BMERB1: variants seen among roughly 807,000 people sequenced by gnomAD.
The protein encoded by BMERB1 is bMERB domain containing 1.
BMERB1 carries 12 observed loss-of-function variants against 23.6 expected under a neutral mutation model. The observed-to-expected ratio is 0.51, with a 90% confidence interval of 0.33 to 0.82. The LOEUF (loss-of-function observed/expected upper bound fraction) is 0.82. Ranked by LOEUF, BMERB1 falls within the 40% of genes least tolerant of loss-of-function variation. BMERB1 has a pLI of 0.03. For missense variants in BMERB1, 247 were observed against 255.4 expected (o/e 0.97, Z 0.22); for synonymous variants, 122 against 96.6 (o/e 1.26, Z -1.54).
intron 2 of BMERB1, among the ~76,000 whole-genome samples, chr16:15,543,682 A>G (rs950197058): frequency 4.6e-5 from 7 of 151,456 alleles, no homozygotes; most frequent in Admixed American, 3.3e-4. Flanking sequence ...TGAGCTGGGC[A>G]TGGTAGTGTG....
At chr16:15,440,263 A>G (rs1429745481) in intron 1 of BMERB1, among the ~76,000 whole-genome samples, 1 of 151,276 alleles carries the variant, frequency 6.6e-6, no homozygotes, top group Non-Finnish European at 1.5e-5. Flanking sequence ...AAAAAAAAAA[A>G]AAAAAAATCA....
intron 1 of BMERB1, among the ~76,000 whole-genome samples, chr16:15,494,483 C>G (rs1340733691): frequency 6.6e-6 from 1 of 152,118 alleles, no homozygotes; most frequent in Admixed American, 6.5e-5. Context: ...ACTCTTGTGT[C>G]ATCTCTTTCA....
intron 2 of BMERB1, chr16:15,533,033 G>C: frequency 2.2e-6 from 1 of 455,778 alleles, no homozygotes; most frequent in Non-Finnish European, 4.4e-6. Flanking sequence ...AGCCTCGGTG[G>C]CCTCATCTGT....
intron 1 of BMERB1, among the ~76,000 whole-genome samples, chr16:15,494,236 A>G (rs73505568): frequency 6.6e-6 from 1 of 152,108 alleles, no homozygotes; most frequent in Admixed American, 6.6e-5. Context: ...TAGGTTTATC[A>G]ATTTCCACAA....
chr16:15,548,778 A>T (rs1363829215), intron 2 of BMERB1, among the ~76,000 whole-genome samples: 1 of 152,182 alleles, frequency 6.6e-6, no homozygotes, highest in Non-Finnish European at 1.5e-5. Context: ...TTAAACATTA[A>T]TTTACTTATT....
At chr16:15,479,453 G>A (rs1453772866) in intron 1 of BMERB1, among the ~76,000 whole-genome samples, 1 of 152,152 alleles carries the variant, frequency 6.6e-6, no homozygotes, top group Non-Finnish European at 1.5e-5. Flanking sequence ...CACATTGCAA[G>A]TAAACCTTAA....
chr16:15,557,514 T>G (rs1379805002), intron 2 of BMERB1, among the ~76,000 whole-genome samples: 1 of 152,240 alleles, frequency 6.6e-6, no homozygotes, highest in Admixed American at 6.5e-5. Context: ...CAGCTGTATG[T>G]CTTGATCCAA....
chr16:15,481,852 G>A (rs966162808), intron 1 of BMERB1, among the ~76,000 whole-genome samples: 1 of 150,698 alleles, frequency 6.6e-6, no homozygotes, highest in East Asian at 2.0e-4. Flanking sequence ...AGCCTCCCAA[G>A]TAGCTGGGAT....
intron 1 of BMERB1, among the ~76,000 whole-genome samples, chr16:15,435,723 G>C (rs2050882240): frequency 6.6e-6 from 1 of 152,206 alleles, no homozygotes; most frequent in Non-Finnish European, 1.5e-5. Flanking sequence ...TTGTGAATGT[G>C]ATCTTATTCT....
chr16:15,442,479 T>C (rs988155683), intron 1 of BMERB1, among the ~76,000 whole-genome samples: 5 of 152,186 alleles, frequency 3.3e-5, no homozygotes, highest in Non-Finnish European at 5.9e-5. Context: ...CAAGCCCAAT[T>C]ATTTACACAG....
At chr16:15,520,910 A>C (rs1051400436) in intron 2 of BMERB1, among the ~76,000 whole-genome samples, 1 of 152,304 alleles carries the variant, frequency 6.6e-6, no homozygotes, top group Admixed American at 6.5e-5. Context: ...AAAAATATCA[A>C]AGAACTGAAA....
At chr16:15,516,090 A>T (rs1357353589) in intron 2 of BMERB1, among the ~76,000 whole-genome samples, 2 of 151,856 alleles carry the variant, frequency 1.3e-5, no homozygotes, top group Non-Finnish European at 2.9e-5. Context: ...GCATCACCAC[A>T]CTCCATCTTG....
intron 1 of BMERB1, among the ~76,000 whole-genome samples, chr16:15,486,427 G>C (rs534324357): frequency 6.6e-6 from 1 of 152,256 alleles, no homozygotes; most frequent in African/African-American, 2.4e-5. Flanking sequence ...TCTACCTCTT[G>C]ACTGTTTTTC....
intron 2 of BMERB1, among the ~76,000 whole-genome samples, chr16:15,562,593 T>C (rs1270407476): frequency 1.3e-5 from 2 of 152,118 alleles, no homozygotes; most frequent in Admixed American, 1.3e-4. Context: ...CTGTGCACAG[T>C]AGGATGTTTA....
intron 1 of BMERB1, among the ~76,000 whole-genome samples, chr16:15,467,163 A>G (rs954154877): frequency 6.6e-6 from 1 of 152,134 alleles, no homozygotes; most frequent in Non-Finnish European, 1.5e-5. Context: ...CTCTTATGCA[A>G]ATTTTTGTGT....
chr16:15,558,440 G>T (rs1173557865), intron 2 of BMERB1, among the ~76,000 whole-genome samples: 1 of 152,008 alleles, frequency 6.6e-6, no homozygotes, highest in South Asian at 2.1e-4. Flanking sequence ...TCTTCATAGG[G>T]TGCATGTTTA....
intron 2 of BMERB1, among the ~76,000 whole-genome samples, chr16:15,545,516 G>T (rs1476521854): frequency 6.6e-6 from 1 of 152,132 alleles, no homozygotes; most frequent in Admixed American, 6.6e-5. Context: ...AATCAACTCT[G>T]CCTGACTCAA....
intron 2 of BMERB1, among the ~76,000 whole-genome samples, chr16:15,546,977 A>G (rs1477137169): frequency 6.6e-6 from 1 of 150,848 alleles, no homozygotes; most frequent in African/African-American, 2.4e-5. Context: ...TTTCTGTTAC[A>G]TTCCAGCCTT....
At chr16:15,569,172 C>T (rs780879156) in intron 3 of BMERB1, among the ~76,000 whole-genome samples, 10 of 152,002 alleles carry the variant, frequency 6.6e-5, no homozygotes, top group Non-Finnish European at 1.5e-4. Flanking sequence ...GGTGAGATCT[C>T]ACCACTGCAC....
Sources: allele counts gnomAD v4.1 joint callset (sites outside exome capture counted in the v4.1 genomes callset), GRCh38; gene constraint gnomAD v4.1.1; transcripts MANE v1.5; gene names NCBI Gene and HGNC (gene_info 2026-07-23, HGNC 2026-07-21).